Variants in DLGAP1 observed in about 807,000 individuals in gnomAD.
DLGAP1 encodes disks large-associated protein 1.
DLGAP1 carries 11 observed loss-of-function variants against 90.8 expected under a neutral mutation model. That is an observed-to-expected ratio of 0.12 (90% CI 0.08 to 0.20). The LOEUF (loss-of-function observed/expected upper bound fraction) is 0.20. Ranked by LOEUF, DLGAP1 falls within the 10% of genes least tolerant of loss-of-function variation. The pLI is 1.00. For synonymous variants in DLGAP1, 558 were observed against 540.7 expected, an observed-to-expected ratio of 1.03 and a Z score of -0.44; for missense variants, 1,050 against 1,333.8, an observed-to-expected ratio of 0.79 and a Z score of 3.31.
In DLGAP1 at chr18:3,587,099, C is replaced by T. The variant is rs1296037096; in HGVS notation, c.1592-4851G>A. ...TTTTGAGACGGAGTTTCGCTCTTGTCGCCCAGGTGCAATGGTGCAATCTCG... is the reference window on the plus strand; with the variant it reads ...TTTTGAGACGGAGTTTCGCTCTTGTTGCCCAGGTGCAATGGTGCAATCTCG... On this transcript the variant is annotated intron_variant, in intron 7 of 12. Transcript: ENST00000315677. 2.0e-5 allele frequency among the ~76,000 whole-genome samples: 3 copies of T among 152,288 alleles called. No homozygotes were observed. In the South Asian group the frequency reaches 6.2e-4, roughly 32 times the overall value.
At chr18:4,016,033 A>T (rs183580958) in intron 2 of DLGAP1, among the ~76,000 whole-genome samples, 1 of 152,352 alleles carries the variant, frequency 6.6e-6, no homozygotes, top group African/African-American at 2.4e-5. Flanking sequence ...TAATTTTCCA[A>T]CTTTAAGACT....
At chr18:3,815,676 C>T (rs2067070755) in intron 4 of DLGAP1, among the ~76,000 whole-genome samples, 2 of 152,150 alleles carry the variant, frequency 1.3e-5, no homozygotes, top group African/African-American at 4.8e-5. Flanking sequence ...ATCTTCATGA[C>T]TTTCTCTTCA....
intron 4 of DLGAP1, among the ~76,000 whole-genome samples, chr18:3,838,540 T>C (rs951540845): frequency 6.6e-6 from 1 of 152,244 alleles, no homozygotes; most frequent in Non-Finnish European, 1.5e-5. Context: ...CACTCTTTTG[T>C]GCTTACAGCA....
intron 1 of DLGAP1, among the ~76,000 whole-genome samples, chr18:4,358,472 C>T (rs1187993520): frequency 6.6e-6 from 1 of 152,152 alleles, no homozygotes; most frequent in Admixed American, 6.5e-5. Flanking sequence ...GTGTGTGCCG[C>T]TTAGGGAGTG....
intron 3 of DLGAP1, among the ~76,000 whole-genome samples, chr18:3,895,280 TACACACAC>T (rs35493688): frequency 0.027 from 3,755 of 137,338 alleles, 114 homozygotes; most frequent in African/African-American, 0.083. Flanking sequence ...GGATGTTTAT[TACACACAC>T]ACACACACAC....
intron 5 of DLGAP1, among the ~76,000 whole-genome samples, chr18:3,807,452 T>C (rs2066619608): frequency 6.6e-6 from 1 of 152,208 alleles, no homozygotes; most frequent in Non-Finnish European, 1.5e-5. Flanking sequence ...CTCTCTGAGA[T>C]GGAAATTTGT....
chr18:4,115,143 T>C (rs545141555), intron 2 of DLGAP1, among the ~76,000 whole-genome samples: 2 of 152,286 alleles, frequency 1.3e-5, no homozygotes, highest in South Asian at 4.1e-4. Flanking sequence ...GTGATGTCTC[T>C]AGTGCTTACC....
At chr18:4,323,432 T>G (rs911933690) in intron 1 of DLGAP1, among the ~76,000 whole-genome samples, 2 of 152,146 alleles carry the variant, frequency 1.3e-5, no homozygotes, top group African/African-American at 4.8e-5. Flanking sequence ...TACTTCTGGC[T>G]ATATATATAA....
chr18:3,500,233 C>T (rs540236662), intron 12 of DLGAP1, among the ~76,000 whole-genome samples: 3 of 152,018 alleles, frequency 2.0e-5, no homozygotes, highest in East Asian at 1.9e-4. Context: ...ATTTTCAATG[C>T]CACTGCAAAA....
chr18:3,860,492 A>T (rs887441643), intron 4 of DLGAP1, among the ~76,000 whole-genome samples: 2 of 152,156 alleles, frequency 1.3e-5, no homozygotes, highest in Non-Finnish European at 2.9e-5. Flanking sequence ...GAAATATCTC[A>T]CTCAATGTTG....
At chr18:4,087,643 G>A (rs778387998) in intron 2 of DLGAP1, among the ~76,000 whole-genome samples, 1 of 152,148 alleles carries the variant, frequency 6.6e-6, no homozygotes, top group Non-Finnish European at 1.5e-5. Context: ...CTGCATGTGT[G>A]TCTTTAATTC....
At chr18:4,422,286 C>T (rs2144688273) in intron 1 of DLGAP1, among the ~76,000 whole-genome samples, 1 of 151,608 alleles carries the variant, frequency 6.6e-6, no homozygotes, top group East Asian at 1.9e-4. Context: ...TAATATAATG[C>T]CATGTTTACT....
intron 5 of DLGAP1, among the ~76,000 whole-genome samples, chr18:3,762,480 G>A (rs953017319): frequency 6.6e-6 from 1 of 152,144 alleles, no homozygotes; most frequent in Admixed American, 6.5e-5. Flanking sequence ...AGCTGACACT[G>A]ACAAATTGGA....
At chr18:4,014,408 T>A (rs747804944) in intron 2 of DLGAP1, among the ~76,000 whole-genome samples, 29 of 152,056 alleles carry the variant, frequency 1.9e-4, no homozygotes, top group Non-Finnish European at 1.2e-4. Flanking sequence ...ACATAGTGAT[T>A]TGTGGGGGTG....
rs141333402 is a variant in DLGAP1 at position 4,158,628 on chromosome 18, T to A, written c.-266-7341A>T. On this transcript the variant is annotated intron_variant, in intron 1 of 12. Coordinates refer to ENST00000315677, the MANE Select transcript of DLGAP1 (RefSeq NM_004746.4). Reference sequence around the variant, plus strand: ...GTTCTCCTCAACGTCTTCTCTCATTTTCCGACTGACTTCTTGGACACTTGA... The same window carrying A: ...GTTCTCCTCAACGTCTTCTCTCATTATCCGACTGACTTCTTGGACACTTGA... 2.0e-5 allele frequency among the ~76,000 whole-genome samples: 3 copies of A among 152,320 alleles called. No homozygotes were observed. In the East Asian group the frequency reaches 5.8e-4, roughly 29 times the overall value.
chr18:3,899,695 C>T (rs910066602), intron 3 of DLGAP1, among the ~76,000 whole-genome samples: 2 of 152,192 alleles, frequency 1.3e-5, no homozygotes, highest in Non-Finnish European at 2.9e-5. Flanking sequence ...AGGAAGCCAT[C>T]TTCTCTTACT....
At position 3,647,981 on chromosome 18, in the gene DLGAP1, G is replaced by A. The variant is rs529881114; in HGVS notation, c.1592-65733C>T. Among the ~76,000 whole-genome samples, 6 of 152,208 alleles carry A rather than the reference G, an allele frequency of 3.9e-5. No individual in the cohort carries two copies. In the East Asian group the frequency reaches 9.6e-4, roughly 24 times the overall value. The stretch of plus-strand genomic sequence containing the variant: ...TTTTAGGAGTTCATATTTAAGGAGG[G>A]CATGTATAAAATCAACAATGGGATA... On this transcript the variant is annotated intron_variant, in intron 7 of 12. Transcript: ENST00000315677.
intron 5 of DLGAP1, among the ~76,000 whole-genome samples, chr18:3,768,646 CCTAA>C (rs1483797762): frequency 2.6e-5 from 4 of 152,100 alleles, no homozygotes; most frequent in Admixed American, 1.3e-4. Flanking sequence ...CCAAAACCTC[CCTAA>C]CTGATTACTG....
At chr18:3,570,963 A>G (rs945891532) in intron 8 of DLGAP1, among the ~76,000 whole-genome samples, 8 of 151,578 alleles carry the variant, frequency 5.3e-5, no homozygotes, top group Non-Finnish European at 8.8e-5. Flanking sequence ...AAAACAGAAC[A>G]AACCAAAACA....
Sources: allele counts gnomAD v4.1 joint callset (sites outside exome capture counted in the v4.1 genomes callset), GRCh38; gene constraint gnomAD v4.1.1; transcripts MANE v1.5; gene names NCBI Gene and HGNC (gene_info 2026-07-23, HGNC 2026-07-21).